Variants in SORBS2 observed in about 807,000 individuals in gnomAD.
SORBS2 encodes sorbin and SH3 domain-containing protein 2.
SORBS2 carries 46 observed loss-of-function variants against 97.7 expected under a neutral mutation model. That is an observed-to-expected ratio of 0.47 (90% confidence interval 0.37 to 0.60). The LOEUF (loss-of-function observed/expected upper bound fraction) is 0.60, where lower values mean the gene tolerates loss of function less well. SORBS2 is among the 20% of genes least tolerant of loss of function. The pLI, the probability that SORBS2 is intolerant of heterozygous loss-of-function variation, is 0.00. For missense variants in SORBS2, 1,316 were observed against 1,282.3 expected (o/e 1.03, Z -0.40); for synonymous variants, 476 against 473.4 (o/e 1.01, Z -0.07).
rs766176932 is a variant in SORBS2, at chr4:185,623,064, G to C, written c.2065C>G (p.Gln689Glu). The change falls in exon 7 of 15, where the codon CAG (glutamine) becomes GAG (glutamate). Residue 689 changes from glutamine (Q) to glutamate (E), a missense_variant. Coordinates refer to ENST00000418609, the Ensembl canonical transcript of SORBS2. The surrounding 1 kb of genome is among the most constrained non-coding windows in gnomAD (Gnocchi z 6.4). ...TCGGGAGGCAGTGGGTGGAGAGGCTGGTGCAGGGGGCTCCTCCTCAGCGCT... is the reference window on the plus strand; with the variant it reads ...TCGGGAGGCAGTGGGTGGAGAGGCTCGTGCAGGGGGCTCCTCCTCAGCGCT... 1.2e-6 allele frequency: 2 copies of C among 1,614,172 alleles called. No individual in the cohort carries two copies. The highest frequency in any genetic ancestry group is 1.7e-6 in the Non-Finnish European group (2 of 1,180,030).
intron 2 of SORBS2, among the ~76,000 whole-genome samples, chr4:185,741,861 G>A (rs1431818641): frequency 6.6e-6 from 1 of 152,198 alleles, no homozygotes; most frequent in Non-Finnish European, 1.5e-5. Context: ...TGTCCTTTGA[G>A]GTAAGTATTA....
intron 1 of SORBS2, among the ~76,000 whole-genome samples, chr4:185,864,034 G>A (rs1369518153): frequency 6.6e-6 from 1 of 152,202 alleles, no homozygotes; most frequent in Non-Finnish European, 1.5e-5. Context: ...TGGTCTGCAA[G>A]ATAAGGTGAA....
chr4:185,640,556 G>C (rs1467030631), intron 4 of SORBS2, among the ~76,000 whole-genome samples: 2 of 152,118 alleles, frequency 1.3e-5, no homozygotes, highest in Admixed American at 6.5e-5. Flanking sequence ...AGAAGTAATA[G>C]TGAAATTGGT....
At chr4:185,916,706 G>A (rs541635598) in intron 1 of SORBS2, among the ~76,000 whole-genome samples, 2 of 152,278 alleles carry the variant, frequency 1.3e-5, no homozygotes, top group Admixed American at 1.3e-4. Flanking sequence ...AACTAGGGAG[G>A]TGAGAACTGG....
chr4:185,943,245 TA>T (rs2099272956), intron 1 of SORBS2, among the ~76,000 whole-genome samples: 1 of 152,204 alleles, frequency 6.6e-6, no homozygotes, highest in Non-Finnish European at 1.5e-5. Flanking sequence ...TATGGACAAA[TA>T]GGATATTCCA....
chr4:185,638,305 C>G, intron 4 of SORBS2, 143 bp from the exon 15 acceptor site: 1 of 644,594 alleles, frequency 1.6e-6, no homozygotes, highest in African/African-American at 1.8e-5. Flanking sequence ...CAGGAGAGAA[C>G]GGAGGAAGTA....
intron 1 of SORBS2, among the ~76,000 whole-genome samples, chr4:185,833,217 T>A (rs1245897404): frequency 6.6e-6 from 1 of 152,226 alleles, no homozygotes. Flanking sequence ...GTCCAAGTAA[T>A]GTGAACATGT....
intron 1 of SORBS2, among the ~76,000 whole-genome samples, chr4:185,927,495 C>T (rs1473999114): frequency 6.6e-6 from 1 of 150,760 alleles, no homozygotes; most frequent in Non-Finnish European, 1.5e-5. Flanking sequence ...TCCATGTATG[C>T]TCATTGTTCA....
chr4:185,735,734 C>A (rs768731776), intron 2 of SORBS2, among the ~76,000 whole-genome samples: 3 of 151,762 alleles, frequency 2.0e-5, no homozygotes, highest in Non-Finnish European at 4.4e-5. Flanking sequence ...GCAATTTTGT[C>A]CCCTTAGTCC....
intron 2 of SORBS2, among the ~76,000 whole-genome samples, chr4:185,695,735 C>T (rs968208805): frequency 6.6e-6 from 1 of 152,182 alleles, no homozygotes; most frequent in Non-Finnish European, 1.5e-5. Flanking sequence ...TTTCACTTTT[C>T]TATTATAGTC....
chr4:185,938,427 CACA>C (rs1561319566), intron 1 of SORBS2, among the ~76,000 whole-genome samples: 283 of 149,434 alleles, frequency 1.9e-3, no homozygotes, highest in African/African-American at 5.7e-3. Flanking sequence ...CACACACACA[CACA>C]CCCTTTTATT....
chr4:185,859,594 A>T (rs1364922651), intron 1 of SORBS2, among the ~76,000 whole-genome samples: 4 of 152,176 alleles, frequency 2.6e-5, no homozygotes, highest in Non-Finnish European at 5.9e-5. Flanking sequence ...TTGGGCCCCC[A>T]TGATTCCCCA....
intron 4 of SORBS2, among the ~76,000 whole-genome samples, chr4:185,674,552 TA>T (rs1292042954): frequency 6.6e-6 from 1 of 152,184 alleles, no homozygotes; most frequent in African/African-American, 2.4e-5. Flanking sequence ...AGGGAAATAA[TA>T]ATGGTGGTAG....
At chr4:185,642,954 T>G (rs2097150751) in intron 4 of SORBS2, among the ~76,000 whole-genome samples, 1 of 152,262 alleles carries the variant, frequency 6.6e-6, no homozygotes, top group African/African-American at 2.4e-5. Flanking sequence ...CACCAACTTT[T>G]TCCACTGACT....
chr4:185,791,261 T>A (rs1292498964), intron 1 of SORBS2, among the ~76,000 whole-genome samples: 1 of 148,286 alleles, frequency 6.7e-6, no homozygotes, highest in Non-Finnish European at 1.5e-5. Flanking sequence ...CATTTATGAA[T>A]ACATTAAATG....
intron 1 of SORBS2, among the ~76,000 whole-genome samples, chr4:185,888,546 T>C (rs1579334637): frequency 6.6e-6 from 1 of 152,244 alleles, no homozygotes. Flanking sequence ...TTTCTTTTAC[T>C]TTTTCATCCA....
At position 185,909,747 on chromosome 4, in the gene SORBS2, A is replaced by G. The variant is rs552044743; in HGVS notation, c.-338+46449T>C. ...CTAAACTAGGAAAACATGCAAAGAAATGTTCACTCATAGCAATATTTGACA... is the reference window on the plus strand; with the variant it reads ...CTAAACTAGGAAAACATGCAAAGAAGTGTTCACTCATAGCAATATTTGACA... On this transcript the variant is annotated intron_variant, in intron 1 of 20. Transcript: ENST00000284776. 1.2e-4 allele frequency among the ~76,000 whole-genome samples: 18 copies of G among 152,226 alleles called. 1 individual carries two copies. In the South Asian group the frequency reaches 2.7e-3, roughly 23 times the overall value.
At chr4:185,601,830 G>A (rs540451708) in intron 12 of SORBS2, among the ~76,000 whole-genome samples, 1 of 152,138 alleles carries the variant, frequency 6.6e-6, no homozygotes, top group African/African-American at 2.4e-5. Context: ...TGATGGGACT[G>A]CTTTAGGGTG....
At chr4:185,907,798 A>G (rs558516943) in intron 1 of SORBS2, among the ~76,000 whole-genome samples, 1 of 152,238 alleles carries the variant, frequency 6.6e-6, no homozygotes, top group African/African-American at 2.4e-5. Context: ...TAAATTGCAC[A>G]ATTCAGTTTA....
Sources: gnomAD v4.1 joint callset for allele counts (sites outside exome capture counted in the v4.1 genomes callset) on GRCh38, gnomAD v4.1.1 for gene constraint, Gnocchi (gnomAD v3.1) non-coding constraint, MANE v1.5 for transcripts, NCBI Gene and HGNC (gene_info 2026-07-23, HGNC 2026-07-21) for gene names.